Variants in MKKS observed in about 807,000 individuals in gnomAD.
The protein encoded by MKKS is MKKS centrosomal shuttling protein.
In MKKS, 29 loss-of-function variants were observed where a neutral mutation model predicts 33.2. That is an observed-to-expected ratio of 0.87 (90% CI 0.65 to 1.19). The LOEUF is 1.19. MKKS is among the 50% of genes most tolerant of loss of function. The probability of loss-of-function intolerance (pLI) is 0.00; values close to 1 mark genes in which losing one functional copy is unlikely to be tolerated. For synonymous variants in MKKS, 260 were observed against 244.0 expected, an observed-to-expected ratio of 1.07 and a Z score of -0.61; for missense variants, 661 against 662.3, an observed-to-expected ratio of 1.00 and a Z score of 0.02.
At position 10,403,231 on chromosome 20, in the gene MKKS, C is replaced by CT. The variant is rs981897381; in HGVS notation, c.*2015dup. The CT allele has an allele frequency of 2.6e-5, 4 of 152,190 alleles. No homozygotes were observed. The highest frequency in any genetic ancestry group is 4.4e-5 in the Non-Finnish European group (3 of 68,064). 9.4% of individuals were successfully genotyped at this position (152,190 alleles called of 1,614,324 possible). ...AGAAGGCATCAAGAGACAAACTCAT[C>CT]TTTTTACCACCAAATATCAGAAGTG... On this transcript the variant is annotated 3_prime_UTR_variant, in exon 6 of 6. Coordinates refer to ENST00000347364, the MANE Select transcript of MKKS (RefSeq NM_170784.3).
intron 2 of MKKS, among the ~76,000 whole-genome samples, chr20:10,414,498 C>CA (rs1180719015): frequency 6.6e-6 from 1 of 152,084 alleles, no homozygotes; most frequent in East Asian, 1.9e-4. Context: ...CTCCTGACCT[C>CA]AGGTGATCTG....
chr20:10,426,399 T>C (rs138500769), intron 1 of MKKS, among the ~76,000 whole-genome samples: 1 of 150,418 alleles, frequency 6.6e-6, no homozygotes, highest in East Asian at 2.0e-4. Context: ...GCATCATGCC[T>C]GGCATGTTGT....
intron 1 of MKKS, among the ~76,000 whole-genome samples, chr20:10,429,611 C>T (rs1201189419): frequency 6.6e-6 from 1 of 152,218 alleles, no homozygotes; most frequent in Admixed American, 6.5e-5. Context: ...GCATCATCTA[C>T]TAAGCCATTC....
rs2064910872 is a variant in MKKS, at chr20:10,413,385, T to G, written c.130A>C (p.Lys44Gln). ...TSCYGPSGRL[K>Q]QLHNGFGGYV... ...CCTCCAAAGCCATTGTGCAGCTGCTTCAGCCTACCTGAGGGGCCATAGCAT... is the reference window on the plus strand; with the variant it reads ...CCTCCAAAGCCATTGTGCAGCTGCTGCAGCCTACCTGAGGGGCCATAGCAT... Residue 44 changes from lysine to glutamine, a missense_variant, in exon 3 of 6, where the codon AAG becomes CAG. Transcript: ENST00000347364. The G allele has an allele frequency of 6.8e-6, 11 of 1,612,964 alleles. No homozygotes were observed. Among genetic ancestry groups the G allele is most frequent in the African/African-American group, 1.3e-5 (1 of 74,922 alleles).
intron 1 of MKKS, among the ~76,000 whole-genome samples, chr20:10,433,149 G>A (rs1419807834): frequency 3.3e-5 from 5 of 152,230 alleles, no homozygotes; most frequent in Admixed American, 2.6e-4. Context: ...GATTACAGGC[G>A]TGCGCCACTG....
intron 1 of MKKS, among the ~76,000 whole-genome samples, chr20:10,427,081 A>C (rs868792860): frequency 7.5e-4 from 64 of 85,654 alleles, no homozygotes; most frequent in African/African-American, 2.0e-3. Context: ...CACACACACA[A>C]AGTAAGGTTA....
chr20:10,412,681 G>A lies in MKKS; in HGVS notation c.834C>T (p.Asn278=), dbSNP rs575896442. The part of the protein sequence containing the change: ...LENAVLDQLL[N]LGRQLISDHV... ...GGTCACTGATTAGCTGCCTTCCTAGGTTAAGCAGCTGGTCCAAGACTGCAT... is the reference window on the plus strand; with the variant it reads ...GGTCACTGATTAGCTGCCTTCCTAGATTAAGCAGCTGGTCCAAGACTGCAT... Residue 278 remains asparagine (N), a synonymous_variant, in exon 3 of 6, where the codon AAC becomes AAT. Transcript: ENST00000347364. The A allele has an allele frequency of 6.2e-7, 1 of 1,614,152 alleles. No individual in the cohort carries two copies. The highest frequency in any genetic ancestry group is 1.3e-5 in the African/African-American group (1 of 75,048).
intron 2 of MKKS, among the ~76,000 whole-genome samples, chr20:10,414,282 T>TTTTTG (rs2064920636): frequency 6.6e-6 from 1 of 150,942 alleles, no homozygotes; most frequent in African/African-American, 2.4e-5. Context: ...TTTTTTTTTT[T>TTTTTG]GAGATGGAGT....
intron 4 of MKKS, 133 bp from the exon 5 acceptor site, chr20:10,407,859 C>T: frequency 1.4e-6 from 1 of 727,558 alleles, no homozygotes; most frequent in South Asian, 1.5e-5. Flanking sequence ...TTGTGTGGTG[C>T]CAAGGTTGTC....
Position 10,405,576 on chromosome 20 carries a change from C to G in MKKS, c.1384G>C (p.Glu462Gln). The change falls in exon 6 of 6, where the codon GAA becomes CAA. Residue 462 changes from glutamate to glutamine, a missense_variant. Coordinates refer to ENST00000347364, the MANE Select transcript of MKKS (RefSeq NM_170784.3). ...SALESVVGSLEHDGGEILTDM... is the reference protein window; with the variant it reads ...SALESVVGSLQHDGGEILTDM... ...GTGAGAATTTCACCTCCATCATGTTCTAAAGAGCCAACAACAGATTCTAGG... is the reference window on the plus strand; with the variant it reads ...GTGAGAATTTCACCTCCATCATGTTGTAAAGAGCCAACAACAGATTCTAGG... 6.2e-7 allele frequency: 1 copy of G among 1,614,146 alleles called. No homozygotes were observed. The highest frequency in any genetic ancestry group is 8.5e-7 in the Non-Finnish European group (1 of 1,180,028).
intron 4 of MKKS, among the ~76,000 whole-genome samples, chr20:10,407,980 C>T (rs974873368): frequency 1.3e-5 from 2 of 152,170 alleles, no homozygotes; most frequent in African/African-American, 4.8e-5. Flanking sequence ...ATACACTTAG[C>T]TCTTCAAACT....
In MKKS at chr20:10,412,739, GT is replaced by G. The variant is rs759131391; in HGVS notation, c.775del (p.Thr259LeufsTer21). 2.3e-5 allele frequency: 37 copies of G among 1,614,040 alleles called. 1 individual carries two copies. The South Asian group carries it at 4.1e-4, about 18-fold the overall frequency. On this transcript the variant is annotated frameshift_variant, in exon 3 of 6. Coordinates refer to ENST00000347364, the MANE Select transcript of MKKS (RefSeq NM_170784.3). LOFTEE classifies it high-confidence loss of function. ...AGAAACCCCATAACTGACCACCACAGTTCCTTCTCCAGTGTCAGAAGTGTCT... is the reference window on the plus strand; with the variant it reads ...AGAAACCCCATAACTGACCACCACAGTCCTTCTCCAGTGTCAGAAGTGTCT... ...SGDTSDTGEG[T>X]VVVSYGVSLE...
Position 10,405,647 on chromosome 20 carries a change from C to T in MKKS, c.1313G>A (p.Cys438Tyr), listed in dbSNP as rs758821712. ...AATTAATTGAAGTTCTGTTTGAGTA[C>T]ATTCATCATCTTTGAGAATGCTTTC... The part of the protein sequence containing the change: ...DPESILKDDE[C>Y]TQTELQLIAE... Residue 438 changes from cysteine to tyrosine, a missense_variant, in exon 6 of 6, where the codon TGT becomes TAT. By Grantham distance (194) the Cys-to-Tyr change is radical (BLOSUM62 -2). Coordinates refer to ENST00000347364, the MANE Select transcript of MKKS (RefSeq NM_170784.3). 6.2e-7 allele frequency: 1 copy of T among 1,614,140 alleles called. No individual in the cohort carries two copies. The highest frequency in any genetic ancestry group is 8.5e-7 in the Non-Finnish European group (1 of 1,179,988).
At chr20:10,411,174 G>T (rs2064883401) in intron 3 of MKKS, among the ~76,000 whole-genome samples, 1 of 151,854 alleles carries the variant, frequency 6.6e-6, no homozygotes, top group Non-Finnish European at 1.5e-5. Flanking sequence ...TTTTAGTAGA[G>T]ATGGGGTTTC....
Position 10,404,822 on chromosome 20 carries a change from T to A in MKKS, c.*425A>T, listed in dbSNP as rs1242338506. The A allele has an allele frequency of 1.3e-5, 2 of 159,450 alleles. No individual in the cohort carries two copies. The highest frequency in any genetic ancestry group is 6.0e-5 in the Admixed American group (1 of 16,646). 9.9% of individuals were successfully genotyped at this position (159,450 alleles called of 1,614,324 possible). ...CTTCTTTTGATTGAGCAATATATAC[T>A]GAATGTTTTGTGACACTTTGAGATC... On this transcript the variant is annotated 3_prime_UTR_variant, in exon 6 of 6. Transcript: ENST00000347364.
rs2064812062 is a variant in MKKS, at chr20:10,401,532, A to G, written c.*3715T>C. 1 of 152,190 alleles carries G rather than the reference A, an allele frequency of 6.6e-6. No individual in the cohort carries two copies. 9.4% of individuals were successfully genotyped at this position (152,190 alleles called of 1,614,324 possible). A position where few individuals can be genotyped will look rare whatever the true frequency, so the allele number is the denominator to read the frequency against. ...CCCCAAAGATTATCAGGAAGGAATA[A>G]CCTAACTAATTGTATGTTTTGTCAA... On this transcript the variant is annotated 3_prime_UTR_variant, in exon 6 of 6. Transcript: ENST00000347364.
intron 1 of MKKS, among the ~76,000 whole-genome samples, chr20:10,427,517 TG>T (rs2065024328): frequency 6.6e-6 from 1 of 152,222 alleles, no homozygotes; most frequent in South Asian, 2.1e-4. Flanking sequence ...ATGACAATGT[TG>T]GCTTTAGGTA....
Position 10,403,976 on chromosome 20 carries a change from A to G in MKKS, c.*1271T>C, listed in dbSNP as rs1203091897. ...TCAGAGGAAATTGTTTAACAATTCT[A>G]TTTCTCTTTATCATGGCTATAGATC... On this transcript the variant is annotated 3_prime_UTR_variant, in exon 6 of 6. Coordinates refer to ENST00000347364, the MANE Select transcript of MKKS (RefSeq NM_170784.3). The G allele has an allele frequency of 6.6e-6, 1 of 152,150 alleles. No homozygotes were observed. Among genetic ancestry groups the G allele is most frequent in the Non-Finnish European group, 1.5e-5 (1 of 68,024 alleles). 9.4% of individuals were successfully genotyped at this position (152,150 alleles called of 1,614,324 possible). A position where few individuals can be genotyped will look rare whatever the true frequency, so the allele number is the denominator to read the frequency against.
At chr20:10,419,898 T>C (rs1038364421) in intron 2 of MKKS, among the ~76,000 whole-genome samples, 1 of 152,322 alleles carries the variant, frequency 6.6e-6, no homozygotes, top group African/African-American at 2.4e-5. Context: ...TGACTGCAGG[T>C]AACTGAAACT....
Sources: gnomAD v4.1 joint callset for allele counts (sites outside exome capture counted in the v4.1 genomes callset) on GRCh38, gnomAD v4.1.1 for gene constraint, MANE v1.5 for transcripts, NCBI Gene and HGNC (gene_info 2026-07-23, HGNC 2026-07-21) for gene names.